Variants in ATP13A5 observed in about 807,000 individuals in gnomAD.
ATP13A5 encodes ATPase 13A5, also known as probable cation-transporting ATPase 13A5.
Under a neutral mutation model 150.2 loss-of-function variants are expected in ATP13A5, and 149 were observed. That is an observed-to-expected ratio of 0.99 (90% confidence interval 0.87 to 1.14). The LOEUF is 1.14. Among genes scored for constraint, ATP13A5 ranks in the 50% most tolerant of loss-of-function variants. The pLI, the probability that ATP13A5 is intolerant of heterozygous loss-of-function variation, is 0.00. For missense variants in ATP13A5, 1,383 were observed against 1,449.3 expected (o/e 0.95, Z 0.74); for synonymous variants, 497 against 522.2 (o/e 0.95, Z 0.66).
chr3:193,301,439 CTATT>C, intron 23 of ATP13A5, 132 bp from the exon 24 acceptor site: 1 of 647,714 alleles, frequency 1.5e-6, no homozygotes, highest in Admixed American at 2.9e-5. Context: ...ATTCATCCTC[CTATT>C]TATTTAACCA....
At chr3:193,337,140 C>T (rs1011015154) in intron 9 of ATP13A5, among the ~76,000 whole-genome samples, 1 of 152,122 alleles carries the variant, frequency 6.6e-6, no homozygotes, top group Non-Finnish European at 1.5e-5. Context: ...GATATTAGCC[C>T]TTTGTCAGAT....
At chr3:193,280,111 C>A (rs1300546568) in intron 27 of ATP13A5, among the ~76,000 whole-genome samples, 1 of 151,082 alleles carries the variant, frequency 6.6e-6, no homozygotes, top group Non-Finnish European at 1.5e-5. Context: ...AGTGCAGTGG[C>A]ACGATCTTGG....
intron 15 of ATP13A5, 116 bp downstream of exon 15, chr3:193,322,375 C>T (rs1365298179): frequency 2.0e-5 from 16 of 792,518 alleles, no homozygotes; most frequent in Middle Eastern, 5.0e-4. Context: ...GCAAACCAAC[C>T]GTGGAAACTG....
Position 193,301,256 on chromosome 3 carries a change from G to T in ATP13A5, c.2730C>A (p.Thr910=). Residue 910 remains threonine, a synonymous_variant, in exon 24 of 30, where the codon ACC becomes ACA. Coordinates refer to ENST00000342358, the MANE Select transcript of ATP13A5 (RefSeq NM_198505.4). ...VSSFGVFKYL[T]MYGIIQFISA... ...TGATAAACTGGATTATGCCGTACAT[G>T]GTCAAGTATTTAAATACTCCAAAGG... is the stretch of plus-strand genomic sequence containing the variant. The T allele has an allele frequency of 6.2e-7, 1 of 1,613,386 alleles. No homozygotes were observed. The highest frequency in any genetic ancestry group is 8.5e-7 in the Non-Finnish European group (1 of 1,179,578).
chr3:193,331,691 A>T (rs1711634864), intron 11 of ATP13A5, among the ~76,000 whole-genome samples: 1 of 152,172 alleles, frequency 6.6e-6, no homozygotes. Flanking sequence ...TAGGACCAAC[A>T]TCCTTCCAAG....
chr3:193,341,853 G>A (rs769221062), intron 9 of ATP13A5, among the ~76,000 whole-genome samples: 18 of 152,196 alleles, frequency 1.2e-4, no homozygotes, highest in African/African-American at 4.1e-4. Context: ...GCTAAGGAGA[G>A]CAGGAGGAGA....
At chr3:193,352,326 C>A (rs755923739) in intron 6 of ATP13A5, among the ~76,000 whole-genome samples, 4 of 152,104 alleles carry the variant, frequency 2.6e-5, no homozygotes, top group Admixed American at 6.5e-5. Flanking sequence ...TTATAAAATG[C>A]TCTGATTGTA....
intron 25 of ATP13A5, 116 bp from the exon 26 acceptor site, chr3:193,290,175 A>G: frequency 9.6e-7 from 1 of 1,041,520 alleles, no homozygotes; most frequent in South Asian, 1.9e-5. Flanking sequence ...AGCAAACACG[A>G]ACAGAAGATT....
intron 12 of ATP13A5, among the ~76,000 whole-genome samples, chr3:193,329,952 G>C (rs1711566921): frequency 6.6e-6 from 1 of 152,048 alleles, no homozygotes; most frequent in Admixed American, 6.6e-5. Flanking sequence ...AAAAGTAAAG[G>C]CTCCTATTCT....
intron 25 of ATP13A5, among the ~76,000 whole-genome samples, chr3:193,294,020 C>T (rs1003839579): frequency 9.2e-5 from 14 of 151,896 alleles, no homozygotes; most frequent in African/African-American, 1.2e-4. Flanking sequence ...CACGTCAGGT[C>T]GATAAATTTT....
At position 193,275,109 on chromosome 3, in the gene ATP13A5, T is replaced by C. The variant is rs1370005457; in HGVS notation, c.3590A>G (p.Gln1197Arg). ...YINGGYESHEQIPKRKLKLGG... is the reference protein window; with the variant it reads ...YINGGYESHERIPKRKLKLGG... ...CAATTTGAGTTTTCTTTTTGGAATC[T>C]GTTCATGGCTTTCATAGCCTCCGTT... Residue 1197 changes from glutamine to arginine, a missense_variant, in exon 30 of 30, where the codon CAG becomes CGG. Around this residue, in one of 3 missense-constraint regions of ATP13A5, gnomAD observed 568 missense variants for 621.5 expected, o/e 0.91. Coordinates refer to ENST00000342358, the MANE Select transcript of ATP13A5 (RefSeq NM_198505.4). 10 of 1,614,140 alleles carry C rather than the reference T, an allele frequency of 6.2e-6. 1 individual carries two copies. Among genetic ancestry groups the C allele is most frequent in the Non-Finnish European group, 7.6e-6 (9 of 1,180,056 alleles).
chr3:193,327,556 G>A (rs1560134837), intron 12 of ATP13A5, among the ~76,000 whole-genome samples: 1 of 152,102 alleles, frequency 6.6e-6, no homozygotes, highest in Non-Finnish European at 1.5e-5. Flanking sequence ...GTTGATAAAG[G>A]GCTTTGAGAC....
intron 1 of ATP13A5, among the ~76,000 whole-genome samples, chr3:193,367,227 C>T (rs1713270618): frequency 6.6e-6 from 1 of 151,802 alleles, no homozygotes; most frequent in Non-Finnish European, 1.5e-5. Context: ...AGTAGAAATA[C>T]AACACAATAG....
chr3:193,319,224 A>G (rs1287322900), intron 16 of ATP13A5, 116 bp from the exon 17 acceptor site: 2 of 716,676 alleles, frequency 2.8e-6, no homozygotes. Context: ...AAAGCACTTT[A>G]ATAGAAAACT....
At chr3:193,284,803 C>T in intron 27 of ATP13A5, 111 bp downstream of exon 27, 1 of 902,822 alleles carries the variant, frequency 1.1e-6, no homozygotes, top group Non-Finnish European at 1.7e-6. Flanking sequence ...ATTTTAGAGT[C>T]ATGCAATTGT....
chr3:193,276,811 G>T lies in ATP13A5; in HGVS notation c.3335C>A (p.Ser1112Ter). 1.2e-6 allele frequency: 2 copies of T among 1,613,376 alleles called. No homozygotes were observed. The highest frequency in any genetic ancestry group is 1.7e-5 in the Admixed American group (1 of 59,962). The change falls in exon 29 of 30, where the codon TCG becomes TAG. Residue 1112 changes from serine to a stop codon, truncating the protein, a stop_gained. Coordinates refer to ENST00000342358, the MANE Select transcript of ATP13A5 (RefSeq NM_198505.4). LOFTEE classifies it high-confidence loss of function. ...TACCACCAAAATTAAAACCCTCCAC[G>T]ATGTTATGGTTGGGATCAACTGTTG... is the stretch of plus-strand genomic sequence containing the variant. ...RGMELIPTIT[S>*]WRVLILVVAL...
chr3:193,368,725 T>G (rs1303342803), intron 1 of ATP13A5, among the ~76,000 whole-genome samples: 2 of 152,118 alleles, frequency 1.3e-5, no homozygotes, highest in African/African-American at 4.8e-5. Flanking sequence ...CGAATAGCAC[T>G]GGAAAATAAA....
chr3:193,305,646 C>T lies in ATP13A5; in HGVS notation c.2591G>A (p.Gly864Asp), dbSNP rs759328602. 1.2e-6 allele frequency: 2 copies of T among 1,613,910 alleles called. No individual in the cohort carries two copies. The highest frequency in any genetic ancestry group is 1.7e-5 in the Admixed American group (1 of 60,004). The change falls in exon 23 of 30, where the codon GGC becomes GAC. Residue 864 changes from glycine to aspartate, a missense_variant. Physicochemically the swap from Gly to Asp is moderately conservative, Grantham distance 94 (BLOSUM62 -1). This residue lies in a region of ATP13A5 where 568 missense variants were observed against 621.5 expected (regional missense o/e 0.91). Coordinates refer to ENST00000342358, the MANE Select transcript of ATP13A5 (RefSeq NM_198505.4). ...DCGALKAAHAGISLSEQEASV... is the reference protein window; with the variant it reads ...DCGALKAAHADISLSEQEASV... Reference sequence around the variant, plus strand: ...TGCTTCCTGCTCTGATAATGAAATGCCTGCATGAGCCGCTTTCAAAGCCTG... The same window carrying T: ...TGCTTCCTGCTCTGATAATGAAATGTCTGCATGAGCCGCTTTCAAAGCCTG...
chr3:193,351,334 T>C, intron 6 of ATP13A5, 133 bp from the exon 7 acceptor site: 1 of 1,113,998 alleles, frequency 9.0e-7, no homozygotes, highest in South Asian at 1.6e-5. Context: ...AGAATTCACT[T>C]AGATCTCTAT....
Sources: allele counts gnomAD v4.1 joint callset (sites outside exome capture counted in the v4.1 genomes callset), GRCh38; gene constraint gnomAD v4.1.1; regional missense constraint gnomAD v4.1.1; transcripts MANE v1.5; gene names NCBI Gene and HGNC (gene_info 2026-07-23, HGNC 2026-07-21).